Variants in PJA2 observed in about 807,000 individuals in gnomAD.
PJA2 encodes the protein praja ring finger ubiquitin ligase 2, also known as E3 ubiquitin-protein ligase Praja-2.
In PJA2, 25 loss-of-function variants were observed where a neutral mutation model predicts 69.3. That is an observed-to-expected ratio of 0.36 (90% CI 0.26 to 0.50). The LOEUF (loss-of-function observed/expected upper bound fraction) is 0.50, where lower values mean the gene tolerates loss of function less well. PJA2 is among the 20% of genes least tolerant of loss of function. The pLI, the probability that PJA2 is intolerant of heterozygous loss-of-function variation, is 0.96. For synonymous variants in PJA2, 308 were observed against 277.8 expected (o/e 1.11, Z -1.08); for missense variants, 809 against 830.2 (o/e 0.97, Z 0.31).
intron 1 of PJA2, among the ~76,000 whole-genome samples, chr5:109,402,154 A>T (rs2127018793): frequency 6.6e-6 from 1 of 152,278 alleles, no homozygotes; most frequent in East Asian, 1.9e-4. Flanking sequence ...GATAAAATGC[A>T]CTCAAAAATA....
In PJA2 at chr5:109,337,347, A is replaced by T; in HGVS notation, c.2011T>A (p.Cys671Ser). The stretch of plus-strand genomic sequence containing the variant: ...GGGAAATGACGGCGGCACACAGGGC[A>T]TGTTCCCGACTGGAGAAAAAAAAAA... The part of the protein sequence containing the change: ...VSIWLQKSGT[C>S]PVCRRHFPPA... Residue 671 changes from cysteine to serine, a missense_variant, in exon 10 of 10, where the codon TGC becomes AGC. Around this residue, in one of 4 missense-constraint regions of PJA2, gnomAD observed 19 missense variants for 62.9 expected, o/e 0.30. Coordinates refer to ENST00000361189, the MANE Select transcript of PJA2 (RefSeq NM_014819.5). 1 of 1,608,262 alleles carries T rather than the reference A, an allele frequency of 6.2e-7. No individual in the cohort carries two copies. Among genetic ancestry groups the T allele is most frequent in the Non-Finnish European group, 8.5e-7 (1 of 1,177,534 alleles).
intron 1 of PJA2, among the ~76,000 whole-genome samples, chr5:109,403,705 T>C (rs1456370837): frequency 6.7e-6 from 1 of 149,620 alleles, no homozygotes; most frequent in Non-Finnish European, 1.5e-5. Context: ...ACAAACCATA[T>C]GATCATCTCA....
chr5:109,335,926 T>C lies in PJA2; in HGVS notation c.*1305A>G, dbSNP rs1025929479. 1 of 152,628 alleles carries C rather than the reference T, an allele frequency of 6.6e-6. No individual in the cohort carries two copies. The highest frequency in any genetic ancestry group is 1.5e-5 in the Non-Finnish European group (1 of 68,020). The allele number at this position is 152,628 out of a possible 1,614,324, so 9.5% of individuals were successfully genotyped here. A position where few individuals can be genotyped will look rare whatever the true frequency, so the allele number is the denominator to read the frequency against. On this transcript the variant is annotated 3_prime_UTR_variant, in exon 10 of 10. Coordinates refer to ENST00000361189, the MANE Select transcript of PJA2 (RefSeq NM_014819.5). ...GTAAATACCAGACACATTTACAATA[T>C]ATGCAAAAATTAGAATGCAAGTGTT...
intron 5 of PJA2, among the ~76,000 whole-genome samples, chr5:109,363,450 T>A (rs1762532260): frequency 1.3e-5 from 2 of 152,180 alleles, no homozygotes; most frequent in Admixed American, 6.6e-5. Flanking sequence ...TCCAACAGCA[T>A]CTCTCATCAC....
In PJA2 at chr5:109,352,981, C is replaced by CTAT. The variant is rs748655602; in HGVS notation, c.1764+2931_1764+2933dup. On this transcript the variant is annotated intron_variant, in intron 7 of 9. Coordinates refer to ENST00000361189, the MANE Select transcript of PJA2 (RefSeq NM_014819.5). ...CTATAGACATCTATATATTAGATAC[C>CTAT]TATATCTATAGATATCTATATATTA... is the stretch of plus-strand genomic sequence containing the variant. Among the ~76,000 whole-genome samples, 21 of 19,974 alleles carry CTAT rather than the reference C, an allele frequency of 1.1e-3. 1 individual carries two copies. The highest frequency in any genetic ancestry group is 6.7e-3 in the African/African-American group (14 of 2,104). The allele number at this position is 19,974 out of a possible 152,430, so 13.1% of individuals were successfully genotyped here. A position where few individuals can be genotyped will look rare whatever the true frequency, so the allele number is the denominator to read the frequency against.
At chr5:109,374,869 A>C (rs965522422) in intron 4 of PJA2, among the ~76,000 whole-genome samples, 1 of 152,184 alleles carries the variant, frequency 6.6e-6, no homozygotes, top group African/African-American at 2.4e-5. Context: ...TTTTAAACTC[A>C]AGATCTTGTC....
intron 9 of PJA2, among the ~76,000 whole-genome samples, chr5:109,340,555 G>A (rs985573388): frequency 6.7e-6 from 1 of 148,408 alleles, no homozygotes; most frequent in Admixed American, 6.8e-5. Flanking sequence ...AGTTCACAGA[G>A]AAGACTGAAA....
chr5:109,366,777 A>G (rs922029486), intron 5 of PJA2, among the ~76,000 whole-genome samples: 1 of 152,226 alleles, frequency 6.6e-6, no homozygotes, highest in Non-Finnish European at 1.5e-5. Flanking sequence ...GCTAACACAA[A>G]TGACATATGA....
chr5:109,408,494 C>G (rs1218594345), intron 1 of PJA2, among the ~76,000 whole-genome samples: 1 of 151,876 alleles, frequency 6.6e-6, no homozygotes, highest in Non-Finnish European at 1.5e-5. Flanking sequence ...AGTCAATAAG[C>G]AAGCGGTATG....
intron 4 of PJA2, among the ~76,000 whole-genome samples, chr5:109,373,800 C>G (rs1762715136): frequency 6.6e-6 from 1 of 152,174 alleles, no homozygotes; most frequent in Non-Finnish European, 1.5e-5. Flanking sequence ...TTACACTCTA[C>G]ACATTCAATT....
At chr5:109,357,136 C>G (rs1318326733) in intron 6 of PJA2, among the ~76,000 whole-genome samples, 2 of 152,158 alleles carry the variant, frequency 1.3e-5, no homozygotes, top group African/African-American at 4.8e-5. Context: ...AAGCTCTTGA[C>G]CTACATTTCT....
rs1188093440 is a variant in PJA2 at position 109,338,896 on chromosome 5, A to C, written c.2002-1540T>G. Among the ~76,000 whole-genome samples the C allele has an allele frequency of 2.6e-5, 4 of 152,222 alleles. No individual in the cohort carries two copies. The South Asian group carries it at 8.3e-4, about 31-fold the overall frequency. ...AAGAGGAATCATCTAACAGTGACTG[A>C]CACACAGCAGGCACACAAAACACTG... is the stretch of plus-strand genomic sequence containing the variant. On this transcript the variant is annotated intron_variant, in intron 9 of 9. Transcript: ENST00000361189.
At chr5:109,359,608 A>G (rs1762477525) in intron 6 of PJA2, among the ~76,000 whole-genome samples, 1 of 152,222 alleles carries the variant, frequency 6.6e-6, no homozygotes, top group South Asian at 2.1e-4. Flanking sequence ...CCTAAGGGAC[A>G]TTCTAAAAAA....
At chr5:109,374,221 G>A (rs981712288) in intron 4 of PJA2, among the ~76,000 whole-genome samples, 3 of 152,100 alleles carry the variant, frequency 2.0e-5, no homozygotes, top group Non-Finnish European at 4.4e-5. Context: ...TCAGGTTATT[G>A]TAATCCCATG....
intron 1 of PJA2, among the ~76,000 whole-genome samples, chr5:109,386,695 A>G (rs572089961): frequency 1.3e-5 from 2 of 152,236 alleles, no homozygotes; most frequent in South Asian, 4.1e-4. Context: ...GGTTTCAACA[A>G]GTATATGTTG....
intron 1 of PJA2, among the ~76,000 whole-genome samples, chr5:109,384,756 G>A (rs1395632402): frequency 1.3e-5 from 2 of 151,796 alleles, no homozygotes; most frequent in African/African-American, 4.8e-5. Context: ...AAGAGAAAAG[G>A]AATATAAAAA....
At chr5:109,352,634 C>T (rs1243039206) in intron 7 of PJA2, among the ~76,000 whole-genome samples, 1 of 151,964 alleles carries the variant, frequency 6.6e-6, no homozygotes, top group Non-Finnish European at 1.5e-5. Flanking sequence ...TTGAGAAAAA[C>T]ACTCACCATA....
chr5:109,354,028 T>C (rs1217013464), intron 7 of PJA2, among the ~76,000 whole-genome samples: 12 of 145,132 alleles, frequency 8.3e-5, no homozygotes, highest in African/African-American at 2.8e-4. Context: ...ATCTATGATA[T>C]CTAGAGATAT....
chr5:109,341,650 G>C (rs1230429539), intron 9 of PJA2, among the ~76,000 whole-genome samples: 6 of 58,372 alleles, frequency 1.0e-4, no homozygotes, highest in Non-Finnish European at 2.1e-4. Flanking sequence ...GAGGGAGGTG[G>C]GGGGGTGAGC....
Sources: gnomAD v4.1 joint callset for allele counts (sites outside exome capture counted in the v4.1 genomes callset) on GRCh38, gnomAD v4.1.1 for gene constraint, gnomAD v4.1.1 regional missense constraint, MANE v1.5 for transcripts, NCBI Gene and HGNC (gene_info 2026-07-23, HGNC 2026-07-21) for gene names.